MNAT1: variants seen among roughly 807,000 people sequenced by gnomAD.
MNAT1 encodes MNAT1 component of CDK activating kinase.
MNAT1 carries 43 observed loss-of-function variants against 42.0 expected under a neutral mutation model. The ratio of observed to expected loss-of-function variants is 1.02; its 90% CI spans 0.80 to 1.32. The LOEUF is 1.32. Among genes scored for constraint, MNAT1 ranks in the 40% most tolerant of loss-of-function variants. The pLI is 0.00. For missense variants in MNAT1, 306 were observed against 350.4 expected (o/e 0.87, Z 1.01); for synonymous variants, 118 against 120.0 (o/e 0.98, Z 0.11).
At chr14:60,961,729 G>A (rs747432823) in intron 7 of MNAT1, among the ~76,000 whole-genome samples, 1 of 152,104 alleles carries the variant, frequency 6.6e-6, no homozygotes, top group Non-Finnish European at 1.5e-5. Context: ...CTGGCAAATA[G>A]TAGGCTCTCA....
At chr14:60,913,937 G>A (rs1466150813) in intron 7 of MNAT1, among the ~76,000 whole-genome samples, 2 of 152,214 alleles carry the variant, frequency 1.3e-5, no homozygotes, top group Non-Finnish European at 2.9e-5. Flanking sequence ...AGCCTACAGA[G>A]GCAGTCTGGC....
rs917751484 is a variant in MNAT1, at chr14:60,969,431, C to A, written c.*1082C>A. ...AGGATGGACTATCCATCTGTAACAA[C>A]TCCATCTTATTTTACTAAGCAGTTA... On this transcript the variant is annotated 3_prime_UTR_variant, in exon 8 of 8. Coordinates refer to ENST00000261245, the MANE Select transcript of MNAT1 (RefSeq NM_002431.4). 2.6e-5 allele frequency: 4 copies of A among 152,144 alleles called. No homozygotes were observed. The highest frequency in any genetic ancestry group is 2.1e-4 in the South Asian group (1 of 4,834). 9.4% of individuals were successfully genotyped at this position (152,144 alleles called of 1,614,324 possible).
intron 1 of MNAT1, chr14:60,780,044 T>C: frequency 6.6e-7 from 1 of 1,513,586 alleles, no homozygotes; most frequent in Non-Finnish European, 9.2e-7. Context: ...CGTGGACGAG[T>C]TCTTCTCATT....
In MNAT1 at chr14:60,889,226, G is replaced by A. The variant is rs201284919; in HGVS notation, c.809+9391G>A. Among the ~76,000 whole-genome samples, 44 of 152,134 alleles carry A rather than the reference G, an allele frequency of 2.9e-4. No individual in the cohort carries two copies. The East Asian group carries it at 6.8e-3, about 23-fold the overall frequency. On this transcript the variant is annotated intron_variant, in intron 7 of 7. Transcript: ENST00000261245. The stretch of plus-strand genomic sequence containing the variant: ...ACTACAAGGCTACAGTAACCAAAAC[G>A]GCATGGCACTGGTACCAAAACAGAG...
intron 5 of MNAT1, among the ~76,000 whole-genome samples, chr14:60,813,604 G>C (rs2032623245): frequency 6.6e-6 from 1 of 152,186 alleles, no homozygotes; most frequent in Non-Finnish European, 1.5e-5. Flanking sequence ...AATGGATATA[G>C]ATCTCACCTC....
chr14:60,905,315 A>T lies in MNAT1; in HGVS notation c.809+25480A>T, dbSNP rs4151332. ...GAGATGAAACTTAAAATTCAACTGT[A>T]ATAAAACCAACAATAACAGTACATT... On this transcript the variant is annotated intron_variant, in intron 7 of 7. Coordinates refer to ENST00000261245, the MANE Select transcript of MNAT1 (RefSeq NM_002431.4). Among the ~76,000 whole-genome samples the T allele has an allele frequency of 1.3e-3, 200 of 152,300 alleles. 2 individuals are homozygous for T. The highest frequency in any genetic ancestry group is 4.6e-3 in the African/African-American group (193 of 41,570).
chr14:60,786,551 A>G (rs1439155509), intron 1 of MNAT1, among the ~76,000 whole-genome samples: 1 of 152,166 alleles, frequency 6.6e-6, no homozygotes, highest in Non-Finnish European at 1.5e-5. Flanking sequence ...ATTAGGAATT[A>G]AAATTTGGAA....
In MNAT1 at chr14:60,742,714, C is replaced by T. The variant is rs192081453; in HGVS notation, c.89+7763C>T. Among the ~76,000 whole-genome samples, 6 of 152,310 alleles carry T rather than the reference C, an allele frequency of 3.9e-5. No homozygotes were observed. In the East Asian group the frequency reaches 9.6e-4, roughly 24 times the overall value. ...CTACTTTCTGACTATGTAGATTTTC[C>T]TATTCTGGACCTTTCATATAAATGG... On this transcript the variant is annotated intron_variant, in intron 1 of 7. Coordinates refer to ENST00000261245, the MANE Select transcript of MNAT1 (RefSeq NM_002431.4).
chr14:60,805,135 A>C (rs78551464), intron 3 of MNAT1, among the ~76,000 whole-genome samples: 1 of 152,220 alleles, frequency 6.6e-6, no homozygotes, highest in South Asian at 2.1e-4. Context: ...AGTAATTATA[A>C]ATGTTGGGTA....
At chr14:60,773,354 A>C (rs762451096) in intron 1 of MNAT1, among the ~76,000 whole-genome samples, 8 of 152,194 alleles carry the variant, frequency 5.3e-5, no homozygotes, top group Non-Finnish European at 1.2e-4. Flanking sequence ...CATTCATTCA[A>C]CCACTATTTG....
At chr14:60,957,520 C>T (rs559831584) in intron 7 of MNAT1, among the ~76,000 whole-genome samples, 39 of 152,246 alleles carry the variant, frequency 2.6e-4, no homozygotes, top group African/African-American at 8.4e-4. Context: ...GATCTGCTCC[C>T]GTGATTCATT....
intron 1 of MNAT1, among the ~76,000 whole-genome samples, chr14:60,764,710 C>T (rs143356141): frequency 6.6e-6 from 1 of 152,146 alleles, no homozygotes; most frequent in Non-Finnish European, 1.5e-5. Flanking sequence ...TCAGTGAAAT[C>T]TCTTCTGGAA....
At chr14:60,956,180 G>C (rs2036485099) in intron 7 of MNAT1, among the ~76,000 whole-genome samples, 1 of 151,604 alleles carries the variant, frequency 6.6e-6, no homozygotes, top group African/African-American at 2.4e-5. Context: ...CATAAATTTT[G>C]GTGTGTTATG....
intron 7 of MNAT1, among the ~76,000 whole-genome samples, chr14:60,892,197 T>G (rs781094684): frequency 6.6e-6 from 1 of 152,164 alleles, no homozygotes; most frequent in Non-Finnish European, 1.5e-5. Flanking sequence ...TCAAGTCCTC[T>G]GTTTTATTTA....
chr14:60,897,436 T>C (rs910499083), intron 7 of MNAT1, among the ~76,000 whole-genome samples: 4 of 152,164 alleles, frequency 2.6e-5, no homozygotes, highest in African/African-American at 9.6e-5. Flanking sequence ...ATATGATATT[T>C]CAGAATGCCT....
intron 7 of MNAT1, among the ~76,000 whole-genome samples, chr14:60,902,120 T>C (rs954009224): frequency 3.3e-5 from 5 of 152,128 alleles, no homozygotes; most frequent in Admixed American, 3.3e-4. Flanking sequence ...GCAACCACCA[T>C]TGTGATCAGT....
intron 6 of MNAT1, among the ~76,000 whole-genome samples, chr14:60,847,532 G>A (rs1275128405): frequency 6.6e-6 from 1 of 151,656 alleles, no homozygotes; most frequent in Non-Finnish European, 1.5e-5. Context: ...TGATTCTAAT[G>A]TGTGCTGGAT....
At chr14:60,788,114 A>G (rs1375779135) in intron 1 of MNAT1, among the ~76,000 whole-genome samples, 2 of 152,136 alleles carry the variant, frequency 1.3e-5, no homozygotes, top group African/African-American at 4.8e-5. Context: ...AAATAACAAG[A>G]CTTCAATGTC....
chr14:60,772,892 T>G (rs1163567010), intron 1 of MNAT1, among the ~76,000 whole-genome samples: 4 of 136,060 alleles, frequency 2.9e-5, no homozygotes, highest in Non-Finnish European at 5.0e-5. Context: ...AGAGCTGCTG[T>G]TTTTTTTTTT....
Sources: allele counts gnomAD v4.1 joint callset (sites outside exome capture counted in the v4.1 genomes callset), GRCh38; gene constraint gnomAD v4.1.1; transcripts MANE v1.5; gene names NCBI Gene and HGNC (gene_info 2026-07-23, HGNC 2026-07-21).